The following TTN variants were observed in gnomAD, a reference collection of about 807,000 sequenced individuals.
TTN encodes the protein connectin.
In TTN, 1,525 loss-of-function variants were observed where a neutral mutation model predicts 3,223.0. That is an observed-to-expected ratio of 0.47 (90% CI 0.45 to 0.49). TTN has a LOEUF of 0.49. TTN is among the 20% of genes least tolerant of loss of function. The pLI is 0.00. For synonymous variants in TTN, 14,094 were observed against 15,161.0 expected (o/e 0.93, Z 5.17); for missense variants, 40,786 against 43,424.0 (o/e 0.94, Z 5.40).
chr2:178,777,595 A>G lies in TTN; in HGVS notation c.4481-11T>C, dbSNP rs1574675840. On this transcript the variant is annotated splice_polypyrimidine_tract_variant and intron_variant, in intron 25 of 362. Transcript: ENST00000589042. ...TGACAATTTGCTGGCCTGTGAAAAT[A>G]TGTTTAAAAGAAAGTAGATTTTAAA... The G allele has an allele frequency of 1.9e-6, 3 of 1,613,780 alleles. No homozygotes were observed. The highest frequency in any genetic ancestry group is 1.3e-5 in the African/African-American group (1 of 75,038).
At chr2:178,732,805 A>C in intron 55 of TTN, 29 bp downstream of exon 55, 1 of 1,581,854 alleles carries the variant, frequency 6.3e-7, no homozygotes, top group African/African-American at 1.4e-5. Context: ...AATCTTTAAT[A>C]AGGATAAAAT....
Position 178,732,124 on chromosome 2 carries a change from C to T in TTN, c.16845G>A (p.Met5615Ile). The part of the protein sequence containing the change: ...DVGIEDSGEY[M>I]CEAQNEAGSD... The stretch of plus-strand genomic sequence containing the variant: ...TGCCAGCCTCATTTTGGGCCTCACA[C>T]ATATATTCACCACTGTCTTCGATGC... Residue 5615 changes from methionine (M) to isoleucine (I), a missense_variant, in exon 57 of 363, where the codon ATG (methionine) becomes ATA (isoleucine). Transcript: ENST00000589042. The T allele has an allele frequency of 6.2e-7, 1 of 1,613,700 alleles. No homozygotes were observed. Among genetic ancestry groups the T allele is most frequent in the Non-Finnish European group, 8.5e-7 (1 of 1,179,698 alleles).
At position 178,604,096 on chromosome 2, in the gene TTN, T is replaced by G; in HGVS notation, c.54591A>C (p.Pro18197=). The G allele has an allele frequency of 2.5e-6, 4 of 1,612,736 alleles. No homozygotes were observed. Among genetic ancestry groups the G allele is most frequent in the Non-Finnish European group, 3.4e-6 (4 of 1,179,098 alleles). ...WTPPLDNGGS[P]ITGYWLEKRE... ...TTTTCTCCAGCCAGTAGCCAGTAAT[T>G]GGAGAGCCACCATTGTCCAAAGGAG... The change falls in exon 282 of 363, where the codon CCA becomes CCC. Residue 18197 remains proline, a synonymous_variant. Transcript: ENST00000589042.
chr2:178,709,509 A>T (rs1297574985), intron 99 of TTN, 57 bp downstream of exon 99: 1 of 1,534,104 alleles, frequency 6.5e-7, no homozygotes, highest in Non-Finnish European at 8.8e-7. Context: ...ATGCTCATGG[A>T]TATATAACAG....
rs1265382651 is a variant in TTN at position 178,784,271 on chromosome 2, C to T, written c.2574G>A (p.Ser858=). 7 of 1,614,072 alleles carry T rather than the reference C, an allele frequency of 4.3e-6. No homozygotes were observed. Among genetic ancestry groups the T allele is most frequent in the East Asian group, 2.2e-5 (1 of 44,864 alleles). The part of the protein sequence containing the change: ...ATSSAQKITK[S]VKAPTVKPSE... Reference sequence around the variant, plus strand: ...TGGGCTTCACAGTAGGAGCCTTCACCGATTTGGTGATCTTCTGAGCAGAAG... The same window carrying T: ...TGGGCTTCACAGTAGGAGCCTTCACTGATTTGGTGATCTTCTGAGCAGAAG... Residue 858 remains serine, a synonymous_variant, in exon 16 of 363, where the codon TCG becomes TCA. Transcript: ENST00000589042.
intron 47 of TTN, chr2:178,750,681 C>T: frequency 6.2e-7 from 1 of 1,612,446 alleles, no homozygotes; most frequent in Non-Finnish European, 8.5e-7. Context: ...AGTTGTAATT[C>T]TCTCAAATCA....
intron 226 of TTN, 112 bp downstream of exon 226, chr2:178,635,851 T>TC: frequency 2.6e-6 from 4 of 1,512,548 alleles, no homozygotes; most frequent in Non-Finnish European, 3.6e-6. Context: ...ATATTGTTAT[T>TC]CCCCTCTTAG....
chr2:178,583,181 A>G lies in TTN; in HGVS notation c.65622T>C (p.Thr21874=), dbSNP rs55766906. Residue 21874 remains threonine (T), a synonymous_variant, in exon 313 of 363, where the codon ACT becomes ACC. Transcript: ENST00000589042. ...DLSVAMKSLL[T]VKAGTNVCLD... Reference sequence around the variant, plus strand: ...AGCAGACATTAGTTCCAGCTTTCACAGTAAGCAAAGATTTCATAGCCACAC... The same window carrying G: ...AGCAGACATTAGTTCCAGCTTTCACGGTAAGCAAAGATTTCATAGCCACAC... 9.9e-6 allele frequency: 16 copies of G among 1,610,848 alleles called. No individual in the cohort carries two copies. The East Asian group carries it at 3.4e-4, about 34-fold the overall frequency.
rs1242327696 is a variant in TTN at position 178,714,317 on chromosome 2, C to A, written c.26457G>T (p.Glu8819Asp). The change falls in exon 91 of 363, where the codon GAG becomes GAT. Residue 8819 changes from glutamate to aspartate, a missense_variant. Transcript: ENST00000589042. ...CGAGAACGGATAGCGTGGCGAAGCA[C>A]TCTTGCATCCCAGCATCGTTTTTGA... is the stretch of plus-strand genomic sequence containing the variant. ...CQIKNDAGMQ[E>D]CFATLSVLEP... 7 of 1,613,256 alleles carry A rather than the reference C, an allele frequency of 4.3e-6. No individual in the cohort carries two copies. The highest frequency in any genetic ancestry group is 5.9e-6 in the Non-Finnish European group (7 of 1,179,420).
intron 99 of TTN, among the ~76,000 whole-genome samples, chr2:178,708,019 A>G (rs544507774): frequency 6.6e-5 from 10 of 152,358 alleles, no homozygotes; most frequent in African/African-American, 2.4e-4. Context: ...TTTAAAAACA[A>G]GCAAAGAACA....
rs929556588 is a variant in TTN at position 178,707,397 on chromosome 2, T to C, written c.29041+129A>G. 13 of 1,123,124 alleles carry C rather than the reference T, an allele frequency of 1.2e-5. No individual in the cohort carries two copies. In the African/African-American group the frequency reaches 1.9e-4, roughly 16 times the overall value. The allele number at this position is 1,123,124 out of a possible 1,614,324, so 69.6% of individuals were successfully genotyped here. On this transcript the variant is annotated intron_variant, in intron 100 of 362. Coordinates refer to ENST00000589042, the MANE Select transcript of TTN (RefSeq NM_001267550.2). ...AATATTTCAATTATAATAAGGAGCC[T>C]ACAAATTGCAGATGAGCAACAACTG...
At position 178,546,412 on chromosome 2, in the gene TTN, C is replaced by T; in HGVS notation, c.94919G>A (p.Gly31640Asp). Residue 31640 changes from glycine to aspartate, a missense_variant, in exon 342 of 363, where the codon GGT (glycine) becomes GAT (aspartate). Gly to Asp is a moderately conservative substitution (Grantham distance 94). Transcript: ENST00000589042. The stretch of plus-strand genomic sequence containing the variant: ...GATAATTTTGGGTTCAGGTTTGCCA[C>T]CAACTGCAGCATCCAGAACAAGATC... The part of the protein sequence containing the change: ...GSDLVLDAAV[G>D]GKPEPKIIWT... 6.2e-7 allele frequency: 1 copy of T among 1,613,730 alleles called. No individual in the cohort carries two copies. Among genetic ancestry groups the T allele is most frequent in the Non-Finnish European group, 8.5e-7 (1 of 1,179,760 alleles).
At chr2:178,763,612 T>A (rs2089767244) in intron 43 of TTN, among the ~76,000 whole-genome samples, 1 of 152,178 alleles carries the variant, frequency 6.6e-6, no homozygotes, top group Non-Finnish European at 1.5e-5. Flanking sequence ...TGCAATCATA[T>A]ACTCAATGTA....
rs2154138528 is a variant in TTN, at chr2:178,537,904, T to C, written c.99303A>G (p.Pro33101=). 1 of 1,609,482 alleles carries C rather than the reference T, an allele frequency of 6.2e-7. No individual in the cohort carries two copies. Among genetic ancestry groups the C allele is most frequent in the Non-Finnish European group, 8.5e-7 (1 of 1,177,146 alleles). ...IKTKLTSGEA[P]GIRKEMKDVT... ...CATCCTTCATTTCTTTGCGTATTCC[T>C]GGGGCCTCTCCAGCTGAACAATATG... The change falls in exon 355 of 363, where the codon CCA becomes CCG. Residue 33101 remains proline, a synonymous_variant. Coordinates refer to ENST00000589042, the MANE Select transcript of TTN (RefSeq NM_001267550.2).
Position 178,575,299 on chromosome 2 carries a change from C to T in TTN, c.70833G>A (p.Ala23611=), listed in dbSNP as rs377220635. The change falls in exon 326 of 363, where the codon GCG becomes GCA. Residue 23611 remains alanine, a synonymous_variant. Coordinates refer to ENST00000589042, the MANE Select transcript of TTN (RefSeq NM_001267550.2). This position sits in a 1 kb window ranked among gnomAD's most constrained non-coding sequence, Gnocchi z 4.0. The stretch of plus-strand genomic sequence containing the variant: ...TGCTTTCTCTAGGGGCACTTCTCCC[C>T]GCGCTGTTCACTGCCATCACTTGGA... ...YTFQVMAVNS[A]GRSAPRESRP... 1.2e-4 allele frequency: 194 copies of T among 1,613,460 alleles called. 1 individual carries two copies. Among genetic ancestry groups the T allele is most frequent in the East Asian group, 9.4e-4 (42 of 44,676 alleles).
Position 178,723,549 on chromosome 2 carries a change from T to C in TTN, c.21551A>G (p.Asn7184Ser). ...ARELVKGDRCNIYFEDTVAEL... is the reference protein window; with the variant it reads ...ARELVKGDRCSIYFEDTVAEL... ...TGCCACAGTGTCTTCAAAATAGATGTTGCACCGGTCTCCTTTCACTAGTTC... is the reference window on the plus strand; with the variant it reads ...TGCCACAGTGTCTTCAAAATAGATGCTGCACCGGTCTCCTTTCACTAGTTC... Residue 7184 changes from asparagine to serine, a missense_variant, in exon 74 of 363, where the codon AAC becomes AGC. Transcript: ENST00000589042. 1 of 1,613,452 alleles carries C rather than the reference T, an allele frequency of 6.2e-7. No homozygotes were observed. Among genetic ancestry groups the C allele is most frequent in the Non-Finnish European group, 8.5e-7 (1 of 1,179,600 alleles).
Position 178,609,963 on chromosome 2 carries a change from C to T in TTN, c.51460G>A (p.Val17154Ile), listed in dbSNP as rs374701373. The change falls in exon 272 of 363, where the codon GTA becomes ATA. Residue 17154 changes from valine (V) to isoleucine (I), a missense_variant. Physicochemically the swap from Val to Ile is conservative, Grantham distance 29 (BLOSUM62 3). Transcript: ENST00000589042. ...TCCGCTGTAGGATTATGAACCTCTA[C>T]ATCTACAGGTGGATCAGGGGGTTCT... ...PKQPPDPPVDVEVHNPTAEAM... is the reference protein window; with the variant it reads ...PKQPPDPPVDIEVHNPTAEAM... 9.3e-6 allele frequency: 15 copies of T among 1,612,126 alleles called. No homozygotes were observed. In the African/African-American group the frequency reaches 9.4e-5, roughly 10 times the overall value.
In TTN at chr2:178,551,147, G is replaced by A. The variant is rs373623340; in HGVS notation, c.91384C>T (p.Arg30462Trp). 2.3e-5 allele frequency: 37 copies of A among 1,613,440 alleles called. No individual in the cohort carries two copies. In the African/African-American group the frequency reaches 3.3e-4, roughly 15 times the overall value. Residue 30462 changes from arginine (R) to tryptophan (W), a missense_variant, in exon 336 of 363, where the codon CGG becomes TGG. By Grantham distance (101) the Arg-to-Trp change is moderately radical. Coordinates refer to ENST00000589042, the MANE Select transcript of TTN (RefSeq NM_001267550.2). ...CTCACCCAGCGTTCATTTCCTTGCC[G>A]TTTCTCAATGCTATAGCCCACAATC... The part of the protein sequence containing the change: ...SKIVGYSIEK[R>W]QGNERWVRCN...
chr2:178,795,348 A>G, intron 6 of TTN, 96 bp from the exon 7 acceptor site: 2 of 1,188,988 alleles, frequency 1.7e-6, no homozygotes, highest in South Asian at 1.3e-5. Flanking sequence ...TTTAAGGCAG[A>G]GTTTTAAAAT....
Sources: gnomAD v4.1 joint callset for allele counts (sites outside exome capture counted in the v4.1 genomes callset) on GRCh38, gnomAD v4.1.1 for gene constraint, Gnocchi (gnomAD v3.1) non-coding constraint, MANE v1.5 for transcripts, NCBI Gene and HGNC (gene_info 2026-07-23, HGNC 2026-07-21) for gene names.